Variants in SOX5 observed in about 807,000 individuals in gnomAD.
SOX5 encodes the protein SRY-box transcription factor 5.
SOX5 carries 9 observed loss-of-function variants against 92.0 expected under a neutral mutation model. The ratio of observed to expected loss-of-function variants is 0.10; its 90% confidence interval spans 0.06 to 0.17. The LOEUF (loss-of-function observed/expected upper bound fraction) is 0.17, where lower values mean the gene tolerates loss of function less well. SOX5 is among the 10% of genes least tolerant of loss of function. The probability of loss-of-function intolerance (pLI) is 1.00; values close to 1 mark genes in which losing one functional copy is unlikely to be tolerated. For missense variants in SOX5, 642 were observed against 944.5 expected (o/e 0.68, Z 4.20); for synonymous variants, 344 against 336.3 (o/e 1.02, Z -0.25).
chr12:23,819,314 T>C (rs1249614530), intron 3 of SOX5, among the ~76,000 whole-genome samples: 3 of 152,250 alleles, frequency 2.0e-5, no homozygotes, highest in African/African-American at 4.8e-5. Context: ...TGTTGTTGAA[T>C]GAAATGTCAT....
intron 2 of SOX5, among the ~76,000 whole-genome samples, chr12:24,331,000 G>A (rs1360300103): frequency 6.6e-6 from 1 of 152,170 alleles, no homozygotes; most frequent in Non-Finnish European, 1.5e-5. Context: ...GCTAAATGGG[G>A]AGCCAGTCTC....
rs368728565 is a variant in SOX5, at chr12:23,572,629, C to T, written c.1342+3032G>A. ...TTAGTTATTCTACTAGTCACATATT[C>T]CAGTTCTAACAACATCACAAAAGTT... On this transcript the variant is annotated intron_variant, in intron 10 of 14. Transcript: ENST00000451604. 4.8e-4 allele frequency among the ~76,000 whole-genome samples: 73 copies of T among 152,240 alleles called. No individual in the cohort carries two copies. The South Asian group carries it at 0.015, about 31-fold the overall frequency.
At chr12:23,558,731 T>C (rs1945676115) in intron 11 of SOX5, among the ~76,000 whole-genome samples, 1 of 152,180 alleles carries the variant, frequency 6.6e-6, no homozygotes, top group Non-Finnish European at 1.5e-5. Flanking sequence ...GCCTCTTGAG[T>C]AGCTGGGATT....
chr12:23,648,789 C>G (rs1026613409), intron 7 of SOX5, among the ~76,000 whole-genome samples: 3 of 152,078 alleles, frequency 2.0e-5, no homozygotes, highest in Non-Finnish European at 2.9e-5. Context: ...AATATGTTTG[C>G]CATATACAGC....
chr12:23,848,052 C>T (rs936857870), intron 2 of SOX5, among the ~76,000 whole-genome samples: 10 of 152,150 alleles, frequency 6.6e-5, no homozygotes, highest in South Asian at 2.1e-4. Flanking sequence ...CAGAATATTG[C>T]GAAACCTCTG....
At chr12:24,173,010 G>A (rs1010061733) in intron 4 of SOX5, among the ~76,000 whole-genome samples, 10 of 152,150 alleles carry the variant, frequency 6.6e-5, no homozygotes, top group Non-Finnish European at 1.2e-4. Flanking sequence ...AGGAATTCCA[G>A]AAGTTAAAAA....
At chr12:24,091,318 A>G (rs1255695109) in intron 4 of SOX5, among the ~76,000 whole-genome samples, 1 of 152,134 alleles carries the variant, frequency 6.6e-6, no homozygotes, top group Admixed American at 6.6e-5. Context: ...ATACTGTATC[A>G]TTGGTGTTTT....
intron 6 of SOX5, among the ~76,000 whole-genome samples, chr12:23,713,283 G>A (rs573195206): frequency 2.5e-4 from 38 of 152,272 alleles, no homozygotes; most frequent in African/African-American, 9.1e-4. Context: ...GCCTCCAGAA[G>A]GAATAAACCC....
intron 3 of SOX5, among the ~76,000 whole-genome samples, chr12:23,781,803 G>A (rs1025374004): frequency 2.6e-5 from 4 of 151,794 alleles, no homozygotes; most frequent in African/African-American, 7.3e-5. Context: ...CTAAATCAAC[G>A]CAGGATCAAG....
intron 13 of SOX5, among the ~76,000 whole-genome samples, chr12:23,538,799 CTTTTTTTTT>C (rs67268404): frequency 2.8e-5 from 3 of 108,148 alleles, no homozygotes; most frequent in African/African-American, 1.0e-4. Flanking sequence ...CCAGCATTTT[CTTTTTTTTT>C]TTTTTTTTTT....
At chr12:23,729,021 G>A (rs1485480763) in intron 6 of SOX5, among the ~76,000 whole-genome samples, 1 of 151,518 alleles carries the variant, frequency 6.6e-6, no homozygotes, top group Non-Finnish European at 1.5e-5. Context: ...CTACTGCCAT[G>A]TAAAGTATAT....
chr12:23,674,264 T>C (rs1420683064), intron 6 of SOX5, among the ~76,000 whole-genome samples: 1 of 151,198 alleles, frequency 6.6e-6, no homozygotes, highest in Non-Finnish European at 1.5e-5. Flanking sequence ...GATATAAAAA[T>C]GCTGATTCAG....
chr12:23,960,163 G>C (rs978148478), intron 4 of SOX5, among the ~76,000 whole-genome samples: 2 of 152,050 alleles, frequency 1.3e-5, no homozygotes, highest in African/African-American at 4.8e-5. Flanking sequence ...GTCCAATCAA[G>C]CCAACATGCA....
intron 4 of SOX5, among the ~76,000 whole-genome samples, chr12:24,090,512 G>T (rs1335174141): frequency 6.6e-6 from 1 of 152,218 alleles, no homozygotes; most frequent in Middle Eastern, 3.4e-3. Context: ...TCCATGAAAA[G>T]AAAATATTTA....
At chr12:24,351,422 C>G (rs1056647984) in intron 2 of SOX5, among the ~76,000 whole-genome samples, 4 of 152,054 alleles carry the variant, frequency 2.6e-5, no homozygotes, top group Non-Finnish European at 4.4e-5. Flanking sequence ...TGGGAATATT[C>G]CAGTGACTCC....
intron 1 of SOX5, among the ~76,000 whole-genome samples, chr12:24,526,821 C>CTT (rs960306251): frequency 6.7e-6 from 1 of 148,356 alleles, no homozygotes; most frequent in Non-Finnish European, 1.5e-5. Flanking sequence ...TATCATATTT[C>CTT]TTTTTTTTTT....
At chr12:23,647,598 G>A (rs142901800) in intron 7 of SOX5, among the ~76,000 whole-genome samples, 27 of 152,264 alleles carry the variant, frequency 1.8e-4, no homozygotes, top group South Asian at 2.1e-4. Flanking sequence ...AGCCACTTTT[G>A]CATCAATGAC....
chr12:24,396,722 G>T (rs1005650696), intron 1 of SOX5, among the ~76,000 whole-genome samples: 30 of 152,198 alleles, frequency 2.0e-4, no homozygotes, highest in Non-Finnish European at 3.7e-4. Flanking sequence ...AAATGGATGT[G>T]TTAAAAAAGC....
chr12:24,434,921 G>A (rs1014331923), intron 1 of SOX5, among the ~76,000 whole-genome samples: 3 of 152,212 alleles, frequency 2.0e-5, no homozygotes, highest in Non-Finnish European at 2.9e-5. Flanking sequence ...GACTAATACA[G>A]TCTGTGTCCC....
Sources: gnomAD v4.1 joint callset for allele counts (sites outside exome capture counted in the v4.1 genomes callset) on GRCh38, gnomAD v4.1.1 for gene constraint, MANE v1.5 for transcripts, NCBI Gene and HGNC (gene_info 2026-07-23, HGNC 2026-07-21) for gene names.